Variants in ATG5 observed in about 807,000 individuals in gnomAD.
ATG5 encodes the protein autophagy related 5.
In ATG5, 14 loss-of-function variants were observed where a neutral mutation model predicts 36.5. The ratio of observed to expected loss-of-function variants is 0.38; its 90% CI spans 0.25 to 0.60. The LOEUF (loss-of-function observed/expected upper bound fraction) is 0.60, where lower values mean the gene tolerates loss of function less well. ATG5 is among the 20% of genes least tolerant of loss of function. The pLI, the probability that ATG5 is intolerant of heterozygous loss-of-function variation, is 0.60. For synonymous variants in ATG5, 95 were observed against 101.5 expected (o/e 0.94, Z 0.38); for missense variants, 195 against 326.7 (o/e 0.60, Z 3.11).
intron 5 of ATG5, among the ~76,000 whole-genome samples, chr6:106,266,034 C>CA (rs202210597): frequency 0.086 from 11,769 of 136,812 alleles, 722 homozygotes; most frequent in Admixed American, 0.24. Context: ...GAAAAACCCT[C>CA]AAAAAAAAAA....
chr6:106,319,183 T>C (rs1770970990), intron 1 of ATG5, among the ~76,000 whole-genome samples: 1 of 152,222 alleles, frequency 6.6e-6, no homozygotes, highest in Non-Finnish European at 1.5e-5. Flanking sequence ...GAACAATGTC[T>C]ATCATATAAT....
Position 106,248,231 on chromosome 6 carries a change from C to G in ATG5, c.492G>C (p.Gln164His). The G allele has an allele frequency of 6.2e-7, 1 of 1,606,846 alleles. No individual in the cohort carries two copies. Among genetic ancestry groups the G allele is most frequent in the African/African-American group, 1.3e-5 (1 of 74,822 alleles). The change falls in exon 6 of 8, where the codon CAG (glutamine) becomes CAC (histidine). Residue 164 changes from glutamine to histidine, a missense_variant. Physicochemically the swap from Gln to His is conservative, Grantham distance 24. Coordinates refer to ENST00000369076, the MANE Select transcript of ATG5 (RefSeq NM_004849.4). The part of the protein sequence containing the change: ...WMGLQNDRFD[Q>H]FWAINRKLME... ...TGAGTTTCCGATTGATGGCCCAAAA[C>G]TGGTCAAATCTGTCTGTAATGATAT...
At chr6:106,251,011 A>G (rs2114521554) in intron 5 of ATG5, among the ~76,000 whole-genome samples, 1 of 152,390 alleles carries the variant, frequency 6.6e-6, no homozygotes, top group South Asian at 2.1e-4. Context: ...GCAAGGTGGC[A>G]GCAGGAGCCT....
chr6:106,297,818 C>T (rs1049609857), intron 3 of ATG5, among the ~76,000 whole-genome samples: 27 of 150,312 alleles, frequency 1.8e-4, no homozygotes, highest in African/African-American at 6.4e-4. Flanking sequence ...TGCCTGTAAT[C>T]CTAGCACTAT....
At chr6:106,254,983 A>G (rs566504394) in intron 5 of ATG5, among the ~76,000 whole-genome samples, 1 of 152,310 alleles carries the variant, frequency 6.6e-6, no homozygotes, top group South Asian at 2.1e-4. Flanking sequence ...ACAACCAAAT[A>G]CCCTCTATGT....
intron 6 of ATG5, among the ~76,000 whole-genome samples, chr6:106,230,521 C>T (rs1777639239): frequency 6.6e-6 from 1 of 152,080 alleles, no homozygotes. Context: ...GTGAGCATAA[C>T]TAATCCGATA....
At chr6:106,257,061 G>T (rs1778829589) in intron 5 of ATG5, among the ~76,000 whole-genome samples, 1 of 151,962 alleles carries the variant, frequency 6.6e-6, no homozygotes, top group African/African-American at 2.4e-5. Context: ...AAGACTTTTT[G>T]TTAAAAACTA....
intron 7 of ATG5, among the ~76,000 whole-genome samples, chr6:106,200,033 C>G (rs1340068621): frequency 6.6e-6 from 1 of 152,140 alleles, no homozygotes; most frequent in Non-Finnish European, 1.5e-5. Flanking sequence ...TTGGTTCTGA[C>G]AGTATTATTG....
At chr6:106,216,513 G>A (rs2114410744) in intron 6 of ATG5, among the ~76,000 whole-genome samples, 1 of 152,262 alleles carries the variant, frequency 6.6e-6, no homozygotes, top group South Asian at 2.1e-4. Flanking sequence ...TATATTACAT[G>A]ATGCTAATTA....
intron 3 of ATG5, among the ~76,000 whole-genome samples, chr6:106,297,769 T>C (rs969782899): frequency 2.3e-4 from 31 of 135,868 alleles, no homozygotes; most frequent in African/African-American, 7.1e-4. Flanking sequence ...CACACACATA[T>C]ATATTTTAAA....
chr6:106,281,155 A>C (rs1347762392), intron 4 of ATG5, among the ~76,000 whole-genome samples: 3 of 152,204 alleles, frequency 2.0e-5, no homozygotes, highest in Non-Finnish European at 4.4e-5. Flanking sequence ...GAATTAATTG[A>C]AAGTGATTAA....
At chr6:106,202,146 CA>C in intron 6 of ATG5, 57 bp from the exon 7 acceptor site, 1 of 1,340,804 alleles carries the variant, frequency 7.5e-7, no homozygotes, top group Non-Finnish European at 1.1e-6. Context: ...CTGCCAATTA[CA>C]AATTTATATA....
chr6:106,251,589 T>A (rs1300261067), intron 5 of ATG5, among the ~76,000 whole-genome samples: 6 of 47,974 alleles, frequency 1.3e-4, no homozygotes, highest in African/African-American at 5.2e-4. Context: ...TATATTCTTA[T>A]ATTAAAAAGG....
At position 106,210,656 on chromosome 6, in the gene ATG5, A is replaced by G. The variant is rs530901814; in HGVS notation, c.574-8567T>C. On this transcript the variant is annotated intron_variant, in intron 6 of 7. Coordinates refer to ENST00000369076, the MANE Select transcript of ATG5 (RefSeq NM_004849.4). ...GATGGCACTTGATGACGATGGATTC[A>G]GCTTATGGTTCCAATCCCAGCTCTG... is the stretch of plus-strand genomic sequence containing the variant. 7.2e-5 allele frequency among the ~76,000 whole-genome samples: 11 copies of G among 152,332 alleles called. No homozygotes were observed. In the East Asian group the frequency reaches 1.5e-3, roughly 21 times the overall value.
intron 7 of ATG5, among the ~76,000 whole-genome samples, chr6:106,199,058 C>T (rs934307615): frequency 6.6e-6 from 1 of 152,182 alleles, no homozygotes; most frequent in Non-Finnish European, 1.5e-5. Flanking sequence ...TGAGATACCA[C>T]TAGGATGGCA....
At chr6:106,212,224 A>G (rs1204800527) in intron 6 of ATG5, among the ~76,000 whole-genome samples, 2 of 152,274 alleles carry the variant, frequency 1.3e-5, no homozygotes, top group African/African-American at 4.8e-5. Context: ...ATTTCTAAGT[A>G]GCATTAATTG....
chr6:106,273,223 C>CA (rs1779520686), intron 5 of ATG5, among the ~76,000 whole-genome samples: 1 of 152,120 alleles, frequency 6.6e-6, no homozygotes, highest in Admixed American at 6.5e-5. Flanking sequence ...GACACTGTAA[C>CA]AAAAAACACA....
At chr6:106,240,936 T>C (rs1028045715) in intron 6 of ATG5, among the ~76,000 whole-genome samples, 2 of 152,168 alleles carry the variant, frequency 1.3e-5, no homozygotes, top group African/African-American at 2.4e-5. Flanking sequence ...GCGGATCACT[T>C]GAGGCCAGGA....
At position 106,229,132 on chromosome 6, in the gene ATG5, C is replaced by T. The variant is rs182554406; in HGVS notation, c.573+19018G>A. 2.6e-5 allele frequency among the ~76,000 whole-genome samples: 4 copies of T among 152,366 alleles called. No homozygotes were observed. The East Asian group carries it at 7.7e-4, about 29-fold the overall frequency. Reference sequence around the variant, plus strand: ...CCTCTGAATCTACTTCCTCTGATCCCTGCCTCCTAGGTACTAATGGTTGAG... The same window carrying T: ...CCTCTGAATCTACTTCCTCTGATCCTTGCCTCCTAGGTACTAATGGTTGAG... On this transcript the variant is annotated intron_variant, in intron 6 of 7. Transcript: ENST00000369076.
Sources: gnomAD v4.1 joint callset for allele counts (sites outside exome capture counted in the v4.1 genomes callset) on GRCh38, gnomAD v4.1.1 for gene constraint, MANE v1.5 for transcripts, NCBI Gene and HGNC (gene_info 2026-07-23, HGNC 2026-07-21) for gene names.